DCDC1: variants seen among roughly 807,000 people sequenced by gnomAD.
DCDC1 encodes the protein doublecortin domain containing 1, also known as doublecortin domain-containing protein 1.
DCDC1 carries 200 observed loss-of-function variants against 178.3 expected under a neutral mutation model. The ratio of observed to expected loss-of-function variants is 1.12; its 90% CI spans 1.00 to 1.26. DCDC1 has a LOEUF of 1.26. Ranked by LOEUF, DCDC1 falls within the 50% of genes most tolerant of loss-of-function variation. The pLI is 0.00. For synonymous variants in DCDC1, 690 were observed against 604.8 expected, an observed-to-expected ratio of 1.14 and a Z score of -2.07; for missense variants, 1,983 against 1,749.2, an observed-to-expected ratio of 1.13 and a Z score of -2.38.
intron 15 of DCDC1, among the ~76,000 whole-genome samples, chr11:31,097,599 A>G (rs564535415): frequency 1.3e-5 from 2 of 152,278 alleles, no homozygotes; most frequent in South Asian, 4.2e-4. Context: ...CAAGAAATGG[A>G]AAGAGTTGAG....
chr11:31,158,042 G>A (rs892195569), intron 9 of DCDC1, among the ~76,000 whole-genome samples: 2 of 152,004 alleles, frequency 1.3e-5, no homozygotes, highest in African/African-American at 4.8e-5. Context: ...TTTTTGCAAT[G>A]AGAACACCTA....
At chr11:31,249,441 TA>T (rs557159758) in intron 8 of DCDC1, among the ~76,000 whole-genome samples, 10 of 152,290 alleles carry the variant, frequency 6.6e-5, no homozygotes, top group African/African-American at 2.4e-4. Context: ...AGTAAAAATA[TA>T]AATTAGTGGT....
At chr11:30,903,744 T>C in intron 31 of DCDC1, 61 bp from the exon 32 acceptor site, 4 of 1,324,138 alleles carry the variant, frequency 3.0e-6, no homozygotes, top group Non-Finnish European at 4.0e-6. Context: ...GAATGATCAT[T>C]AAGAGCTTGT....
chr11:31,248,537 A>G (rs751407585), intron 8 of DCDC1, among the ~76,000 whole-genome samples: 24 of 152,230 alleles, frequency 1.6e-4, no homozygotes, highest in Admixed American at 3.9e-4. Context: ...GAACAAACAT[A>G]CCTAATTCAG....
intron 17 of DCDC1, among the ~76,000 whole-genome samples, chr11:31,081,692 T>C (rs79082705): frequency 0.011 from 1,662 of 152,282 alleles, 34 homozygotes; most frequent in African/African-American, 0.038. Flanking sequence ...TTATCAAGCT[T>C]CAATTCTGTT....
chr11:31,270,555 T>A (rs1218392202), intron 7 of DCDC1, among the ~76,000 whole-genome samples: 4 of 152,166 alleles, frequency 2.6e-5, no homozygotes, highest in African/African-American at 9.7e-5. Flanking sequence ...TCTCCCCTGA[T>A]CAACAAATTT....
intron 2 of DCDC1, among the ~76,000 whole-genome samples, chr11:31,334,301 A>C (rs1296446638): frequency 6.6e-6 from 1 of 152,154 alleles, no homozygotes; most frequent in Non-Finnish European, 1.5e-5. Flanking sequence ...CAAGGTTTTT[A>C]GCTTCCTTGC....
intron 9 of DCDC1, among the ~76,000 whole-genome samples, chr11:31,214,117 G>T (rs1181417404): frequency 6.6e-6 from 1 of 151,684 alleles, no homozygotes. Flanking sequence ...ATTGTAAAAA[G>T]TTTTTTTTAT....
intron 20 of DCDC1, among the ~76,000 whole-genome samples, chr11:31,033,188 A>G (rs891442988): frequency 6.6e-6 from 1 of 152,186 alleles, no homozygotes; most frequent in Non-Finnish European, 1.5e-5. Flanking sequence ...AAGCTGGCCC[A>G]AAAAAGTCTG....
intron 9 of DCDC1, among the ~76,000 whole-genome samples, chr11:31,148,749 CTTT>C (rs1352222505): frequency 6.6e-6 from 1 of 150,896 alleles, no homozygotes; most frequent in African/African-American, 2.4e-5. Flanking sequence ...AATTCCACTT[CTTT>C]TTTTATTTCA....
chr11:31,054,666 C>A (rs1170885442), intron 20 of DCDC1, among the ~76,000 whole-genome samples: 3 of 152,124 alleles, frequency 2.0e-5, no homozygotes, highest in Non-Finnish European at 4.4e-5. Context: ...GAATAGAGAA[C>A]CCAGAAATAA....
chr11:31,170,415 A>C (rs1042782221), intron 9 of DCDC1, among the ~76,000 whole-genome samples: 3 of 152,216 alleles, frequency 2.0e-5, no homozygotes, highest in African/African-American at 7.2e-5. Context: ...TCAATGCTAA[A>C]GACTTGGTAG....
At chr11:30,928,078 T>C (rs1438278370) in intron 22 of DCDC1, among the ~76,000 whole-genome samples, 1 of 152,198 alleles carries the variant, frequency 6.6e-6, no homozygotes, top group African/African-American at 2.4e-5. Context: ...GTTTGAGTCA[T>C]GATAGAAGAT....
At chr11:31,028,180 T>C (rs749628836) in intron 20 of DCDC1, among the ~76,000 whole-genome samples, 81 of 152,064 alleles carry the variant, frequency 5.3e-4, no homozygotes, top group Non-Finnish European at 9.4e-4. Flanking sequence ...AAAATAACTT[T>C]TAATTCCTAA....
chr11:31,249,863 A>C (rs1162414933), intron 8 of DCDC1, among the ~76,000 whole-genome samples: 1 of 152,166 alleles, frequency 6.6e-6, no homozygotes, highest in Non-Finnish European at 1.5e-5. Flanking sequence ...AATTCCCTAA[A>C]AAGTTGTAGA....
intron 20 of DCDC1, among the ~76,000 whole-genome samples, chr11:31,054,744 C>T (rs1955476918): frequency 6.6e-6 from 1 of 152,172 alleles, no homozygotes; most frequent in Admixed American, 6.5e-5. Context: ...GAAAGGACAC[C>T]TTTTTCAGCA....
chr11:30,930,625 T>C (rs1946865179), intron 22 of DCDC1, among the ~76,000 whole-genome samples: 1 of 152,184 alleles, frequency 6.6e-6, no homozygotes, highest in Non-Finnish European at 1.5e-5. Flanking sequence ...TTTCAATCTC[T>C]TAAAATTTGT....
chr11:31,271,662 T>C (rs1254786452), intron 7 of DCDC1, among the ~76,000 whole-genome samples: 3 of 152,208 alleles, frequency 2.0e-5, no homozygotes, highest in African/African-American at 4.8e-5. Context: ...GTTTTGAGCA[T>C]TGTATTAGTC....
intron 13 of DCDC1, among the ~76,000 whole-genome samples, chr11:31,106,492 G>A (rs542288515): frequency 3.0e-4 from 46 of 152,292 alleles, no homozygotes; most frequent in South Asian, 2.9e-3. Flanking sequence ...CCCCCGTGGC[G>A]TTTCCATCTG....
Sources: allele counts gnomAD v4.1 joint callset (sites outside exome capture counted in the v4.1 genomes callset), GRCh38; gene constraint gnomAD v4.1.1; transcripts MANE v1.5; gene names NCBI Gene and HGNC (gene_info 2026-07-23, HGNC 2026-07-21).